Variants in ANK3 observed in about 807,000 individuals in gnomAD.
ANK3 encodes the protein ankyrin 3, also known as ankyrin-3.
ANK3 carries 57 observed loss-of-function variants against 370.9 expected under a neutral mutation model. The ratio of observed to expected loss-of-function variants is 0.15; its 90% confidence interval spans 0.12 to 0.19. ANK3 has a LOEUF of 0.19. Among genes scored for constraint, ANK3 ranks in the 10% least tolerant of loss-of-function variants. The pLI, the probability that ANK3 is intolerant of heterozygous loss-of-function variation, is 1.00. For synonymous variants in ANK3, 1,929 were observed against 1,946.3 expected, an observed-to-expected ratio of 0.99 and a Z score of 0.23; for missense variants, 4,439 against 5,302.1, an observed-to-expected ratio of 0.84 and a Z score of 5.06.
chr10:60,165,039 T>C (rs1295742244), intron 23 of ANK3, among the ~76,000 whole-genome samples: 1 of 152,226 alleles, frequency 6.6e-6, no homozygotes, highest in Non-Finnish European at 1.5e-5. Context: ...ATCTCCATTT[T>C]TGAAATTATT....
At chr10:60,221,521 A>G (rs1455768430) in intron 8 of ANK3, among the ~76,000 whole-genome samples, 1 of 152,222 alleles carries the variant, frequency 6.6e-6, no homozygotes, top group Non-Finnish European at 1.5e-5. Context: ...GTCATGACTC[A>G]TCTATATACT....
chr10:60,613,651 T>C (rs894522342), intron 2 of ANK3, among the ~76,000 whole-genome samples: 1 of 152,086 alleles, frequency 6.6e-6, no homozygotes, highest in Non-Finnish European at 1.5e-5. Flanking sequence ...GCTAGTATCA[T>C]GATGAGCCTA....
At chr10:60,122,027 G>A (rs73261134) in intron 25 of ANK3, among the ~76,000 whole-genome samples, 1,687 of 152,294 alleles carry the variant, frequency 0.011, 29 homozygotes, top group African/African-American at 0.038. Flanking sequence ...CAGCAAGGAG[G>A]GGTGTTGCCT....
At position 60,580,509 on chromosome 10, in the gene ANK3, T is replaced by C. The variant is rs150959053; in HGVS notation, c.96+34677A>G. Among the ~76,000 whole-genome samples, 476 of 152,326 alleles carry C rather than the reference T, an allele frequency of 3.1e-3. 3 individuals are homozygous for C. The highest frequency in any genetic ancestry group is 0.011 in the African/African-American group (452 of 41,576). ...AATTTTAAAATAAGAATTTTCCATGTAAATTAAAGTTAGCTTGAGACAATG... is the reference window on the plus strand; with the variant it reads ...AATTTTAAAATAAGAATTTTCCATGCAAATTAAAGTTAGCTTGAGACAATG... On this transcript the variant is annotated intron_variant, in intron 2 of 43. Coordinates refer to the ANK3 transcript ENST00000373827.
At chr10:60,696,737 T>C (rs963509283) in intron 1 of ANK3, among the ~76,000 whole-genome samples, 4 of 148,382 alleles carry the variant, frequency 2.7e-5, no homozygotes, top group African/African-American at 1.0e-4. Context: ...AAATTAGGTA[T>C]TGATGGGACG....
intron 1 of ANK3, among the ~76,000 whole-genome samples, chr10:60,649,706 A>C (rs1236624258): frequency 6.6e-6 from 1 of 152,234 alleles, no homozygotes; most frequent in Non-Finnish European, 1.5e-5. Context: ...TAGCCACCTC[A>C]CTACAGCTTC....
At chr10:60,183,773 G>A (rs889784224) in intron 17 of ANK3, among the ~76,000 whole-genome samples, 4 of 151,438 alleles carry the variant, frequency 2.6e-5, no homozygotes, top group Admixed American at 6.6e-5. Context: ...CAGAAGAATC[G>A]CTTACACCCT....
In ANK3 at chr10:60,197,116, C is replaced by T. The variant is rs1021995017; in HGVS notation, c.1690-491G>A. ...AGACCAGCCACTTTTCTTCTTCTTTCCCCGTTTCTCCATGTATACACAATC... is the reference window on the plus strand; with the variant it reads ...AGACCAGCCACTTTTCTTCTTCTTTTCCCGTTTCTCCATGTATACACAATC... On this transcript the variant is annotated intron_variant, in intron 14 of 43. Coordinates refer to ENST00000280772, the MANE Select transcript of ANK3 (RefSeq NM_020987.5). Among the ~76,000 whole-genome samples, 4 of 152,302 alleles carry T rather than the reference C, an allele frequency of 2.6e-5. No homozygotes were observed. In the South Asian group the frequency reaches 8.3e-4, roughly 32 times the overall value.
At chr10:60,197,183 C>T (rs1439068792) in intron 14 of ANK3, among the ~76,000 whole-genome samples, 2 of 152,186 alleles carry the variant, frequency 1.3e-5, no homozygotes, top group South Asian at 2.1e-4. Context: ...GTGAGAAATT[C>T]TCTCACCTTT....
intron 17 of ANK3, among the ~76,000 whole-genome samples, chr10:60,185,197 C>T (rs151307762): frequency 6.6e-6 from 1 of 152,162 alleles, no homozygotes; most frequent in African/African-American, 2.4e-5. Context: ...AAAAGATTTT[C>T]ACAATACTAA....
chr10:60,172,454 T>G, intron 20 of ANK3, 51 bp from the exon 21 acceptor site: 1 of 1,486,060 alleles, frequency 6.7e-7, no homozygotes, highest in Non-Finnish European at 9.4e-7. Flanking sequence ...ATTCCACATT[T>G]TTTTTGCTGA....
intron 2 of ANK3, among the ~76,000 whole-genome samples, chr10:60,421,037 G>T (rs2063767707): frequency 1.3e-5 from 2 of 151,954 alleles, no homozygotes; most frequent in South Asian, 4.1e-4. Context: ...GTAAAATTTT[G>T]ATACATGCCA....
At chr10:60,044,232 C>A in intron 42 of ANK3, 1 of 984,376 alleles carries the variant, frequency 1.0e-6, no homozygotes, top group Non-Finnish European at 1.2e-6. Context: ...AATCTAAATT[C>A]CAAGAGAAGC....
intron 28 of ANK3, among the ~76,000 whole-genome samples, chr10:60,104,609 T>C (rs906693783): frequency 2.0e-5 from 3 of 152,080 alleles, no homozygotes; most frequent in African/African-American, 7.2e-5. Context: ...TCTTTTTAAA[T>C]TTTTCACATA....
At chr10:60,102,945 G>A (rs905545524) in intron 28 of ANK3, among the ~76,000 whole-genome samples, 1 of 151,928 alleles carries the variant, frequency 6.6e-6, no homozygotes, top group African/African-American at 2.4e-5. Flanking sequence ...ATTAAATAAT[G>A]GTAAGACAAT....
chr10:60,264,056 T>G (rs1324750587), intron 5 of ANK3, 36 bp from the exon 6 acceptor site: 10 of 1,549,066 alleles, frequency 6.5e-6, no homozygotes, highest in Non-Finnish European at 8.8e-6. Flanking sequence ...TGGGCTCCAA[T>G]GAATATTTTC....
intron 1 of ANK3, among the ~76,000 whole-genome samples, chr10:60,657,887 A>T (rs1026373326): frequency 1.1e-5 from 1 of 88,774 alleles, no homozygotes; most frequent in Non-Finnish European, 2.6e-5. Flanking sequence ...CTCATATATT[A>T]TGAAACTCTG....
At chr10:60,706,954 A>G (rs2079628501) in intron 1 of ANK3, among the ~76,000 whole-genome samples, 2 of 152,172 alleles carry the variant, frequency 1.3e-5, no homozygotes, top group South Asian at 2.1e-4. Context: ...ACCAAAGCAA[A>G]TGAAGATGGT....
At chr10:60,112,215 T>G (rs1287498404) in intron 26 of ANK3, among the ~76,000 whole-genome samples, 2 of 152,200 alleles carry the variant, frequency 1.3e-5, no homozygotes, top group African/African-American at 4.8e-5. Context: ...TACCTTGTCT[T>G]TGATTTGTAG....
Sources: allele counts gnomAD v4.1 joint callset (sites outside exome capture counted in the v4.1 genomes callset), GRCh38; gene constraint gnomAD v4.1.1; transcripts MANE v1.5; gene names NCBI Gene and HGNC (gene_info 2026-07-23, HGNC 2026-07-21).